Variants in RCSD1 observed in about 807,000 individuals in gnomAD.
RCSD1 encodes capZ-interacting protein.
A neutral mutation model predicts 42.5 loss-of-function variants in RCSD1; 26 were observed. The observed-to-expected ratio is 0.61, with a 90% CI of 0.45 to 0.85. The LOEUF (loss-of-function observed/expected upper bound fraction) is 0.85. RCSD1 is among the 40% of genes least tolerant of loss of function. The pLI, the probability that RCSD1 is intolerant of heterozygous loss-of-function variation, is 0.00. For missense variants in RCSD1, 571 were observed against 528.3 expected, an observed-to-expected ratio of 1.08 and a Z score of -0.79; for synonymous variants, 220 against 212.2, an observed-to-expected ratio of 1.04 and a Z score of -0.32.
At position 167,706,980 on chromosome 1, in the gene RCSD1, C is replaced by T. The variant is rs1400000089; in HGVS notation, c.*2284C>T. 1.3e-5 allele frequency among the ~76,000 whole-genome samples: 2 copies of T among 152,172 alleles called. No homozygotes were observed. Among genetic ancestry groups the T allele is most frequent in the East Asian group, 1.9e-4 (1 of 5,202 alleles). On this transcript the variant is annotated 3_prime_UTR_variant, in exon 7 of 7. Transcript: ENST00000367854. ...TCCATAATGGGTTTGAAAGAAAACACGGATTCTTCTACAGCAACAGAGTTA... is the reference window on the plus strand; with the variant it reads ...TCCATAATGGGTTTGAAAGAAAACATGGATTCTTCTACAGCAACAGAGTTA...
rs1658754196 is a variant in RCSD1 at position 167,669,657 on chromosome 1, AATT to A, written c.7-14237_7-14235del. On this transcript the variant is annotated intron_variant, in intron 1 of 6. Coordinates refer to ENST00000367854, the MANE Select transcript of RCSD1 (RefSeq NM_052862.4). ...GGTGCTCAGGATGTTGCAGCTACTG[AATT>A]ATTATCATTGATTTCTTCTGCGTGT... Among the ~76,000 whole-genome samples the A allele has an allele frequency of 5.9e-5, 9 of 152,296 alleles. No homozygotes were observed. The South Asian group carries it at 1.9e-3, about 32-fold the overall frequency.
At chr1:167,635,702 C>G (rs1657827114) in intron 1 of RCSD1, among the ~76,000 whole-genome samples, 1 of 152,166 alleles carries the variant, frequency 6.6e-6, no homozygotes, top group Admixed American at 6.5e-5. Context: ...CCAGCCTGAC[C>G]AACCCTATTC....
At chr1:167,699,377 C>T (rs958172741) in intron 6 of RCSD1, among the ~76,000 whole-genome samples, 3 of 152,116 alleles carry the variant, frequency 2.0e-5, no homozygotes, top group Admixed American at 2.0e-4. Flanking sequence ...GAATCTGTTC[C>T]TCTCCCTTAA....
intron 1 of RCSD1, among the ~76,000 whole-genome samples, chr1:167,632,794 GAAAC>G (rs1416356546): frequency 4.9e-5 from 7 of 143,980 alleles, no homozygotes; most frequent in Admixed American, 2.8e-4. Flanking sequence ...CAACAAAAAT[GAAAC>G]AAACAAACAA....
intron 1 of RCSD1, among the ~76,000 whole-genome samples, chr1:167,672,658 C>T (rs1000794833): frequency 9.8e-5 from 15 of 152,296 alleles, no homozygotes; most frequent in South Asian, 2.1e-4. Context: ...AATATGGGAG[C>T]CACTGAATAA....
At chr1:167,703,908 T>C (rs1659699193) in intron 6 of RCSD1, among the ~76,000 whole-genome samples, 1 of 152,040 alleles carries the variant, frequency 6.6e-6, no homozygotes, top group Admixed American at 6.5e-5. Flanking sequence ...TCACCACACC[T>C]CTATCTTCCC....
chr1:167,684,319 T>C lies in RCSD1; in HGVS notation c.108+318T>C, dbSNP rs12090923. 3.7e-3 allele frequency among the ~76,000 whole-genome samples: 561 copies of C among 152,306 alleles called. 4 individuals carry two copies. The highest frequency in any genetic ancestry group is 0.013 in the African/African-American group (540 of 41,564). ...AGATCTCACACAGCTGTGCCAGGCC[T>C]GGACTGTGTCAGAATAAAGAAGTTC... On this transcript the variant is annotated intron_variant, in intron 2 of 6. Transcript: ENST00000367854.
intron 1 of RCSD1, among the ~76,000 whole-genome samples, chr1:167,668,680 A>T (rs961483906): frequency 1.8e-4 from 27 of 151,824 alleles, no homozygotes; most frequent in African/African-American, 6.5e-4. Context: ...CCTGAGCACC[A>T]ACTGCAGGGC....
intron 1 of RCSD1, among the ~76,000 whole-genome samples, chr1:167,656,001 C>T (rs1032935025): frequency 3.9e-5 from 6 of 152,220 alleles, no homozygotes; most frequent in African/African-American, 1.4e-4. Flanking sequence ...AACATAATCT[C>T]TCTAAATGTA....
chr1:167,704,866 C>G lies in RCSD1; in HGVS notation c.*170C>G. 1 of 604,268 alleles carries G rather than the reference C, an allele frequency of 1.7e-6. No homozygotes were observed. The highest frequency in any genetic ancestry group is 3.0e-6 in the Non-Finnish European group (1 of 338,230). The allele number at this position is 604,268 out of a possible 1,614,324, so 37.4% of individuals were successfully genotyped here. ...ATTATTTCCTGGCCTCCACACCAAACGTTCCCTTGCAGATGGAGACTGAAT... is the reference window on the plus strand; with the variant it reads ...ATTATTTCCTGGCCTCCACACCAAAGGTTCCCTTGCAGATGGAGACTGAAT... On this transcript the variant is annotated 3_prime_UTR_variant, in exon 7 of 7. Coordinates refer to ENST00000367854, the MANE Select transcript of RCSD1 (RefSeq NM_052862.4).
intron 1 of RCSD1, among the ~76,000 whole-genome samples, chr1:167,660,691 C>T (rs12752712): frequency 0.041 from 6,298 of 152,236 alleles, 150 homozygotes; most frequent in Non-Finnish European, 0.057. Context: ...CCAGGGTGTT[C>T]TTGAAGTCCT....
At chr1:167,634,685 T>C (rs949835875) in intron 1 of RCSD1, among the ~76,000 whole-genome samples, 1 of 152,220 alleles carries the variant, frequency 6.6e-6, no homozygotes, top group African/African-American at 2.4e-5. Flanking sequence ...ATCCTTTGTT[T>C]GTTCAACTAA....
At chr1:167,633,555 C>A (rs1657756267) in intron 1 of RCSD1, 1 of 152,228 alleles carries the variant, frequency 6.6e-6, no homozygotes, top group African/African-American at 2.4e-5. Context: ...GAGCTGAAAT[C>A]CAAGTCACTT....
chr1:167,698,144 T>C (rs764343142), intron 6 of RCSD1, among the ~76,000 whole-genome samples: 24 of 152,208 alleles, frequency 1.6e-4, no homozygotes, highest in Non-Finnish European at 3.2e-4. Context: ...AACTGAGGCC[T>C]GCAAGCATCT....
At chr1:167,689,430 C>T (rs1436801424) in intron 3 of RCSD1, among the ~76,000 whole-genome samples, 13 of 147,282 alleles carry the variant, frequency 8.8e-5, no homozygotes, top group African/African-American at 3.3e-4. Flanking sequence ...TGCAGTGAGC[C>T]GAGATTGCGC....
intron 1 of RCSD1, among the ~76,000 whole-genome samples, chr1:167,639,452 G>T (rs114693484): frequency 6.6e-6 from 1 of 152,034 alleles, no homozygotes; most frequent in East Asian, 1.9e-4. Flanking sequence ...GGATAGGGTG[G>T]GTAGGGAGAA....
intron 1 of RCSD1, among the ~76,000 whole-genome samples, chr1:167,682,619 A>G (rs900460806): frequency 2.6e-5 from 4 of 152,034 alleles, no homozygotes; most frequent in African/African-American, 4.8e-5. Flanking sequence ...GCACCCAAAT[A>G]AGAAAGCTCA....
At chr1:167,679,623 C>G (rs1659031300) in intron 1 of RCSD1, among the ~76,000 whole-genome samples, 1 of 152,186 alleles carries the variant, frequency 6.6e-6, no homozygotes, top group Non-Finnish European at 1.5e-5. Flanking sequence ...TGGCCTATTT[C>G]TGGTGAGAGA....
At chr1:167,646,787 G>A (rs901507040) in intron 1 of RCSD1, among the ~76,000 whole-genome samples, 1 of 152,120 alleles carries the variant, frequency 6.6e-6, no homozygotes, top group Non-Finnish European at 1.5e-5. Flanking sequence ...TAGGATCCTC[G>A]GAACTTCTGG....
Sources: allele counts gnomAD v4.1 joint callset (sites outside exome capture counted in the v4.1 genomes callset), GRCh38; gene constraint gnomAD v4.1.1; transcripts MANE v1.5; gene names NCBI Gene and HGNC (gene_info 2026-07-23, HGNC 2026-07-21).